Variants in OPRL1 observed in about 807,000 individuals in gnomAD.
OPRL1 encodes opioid related nociceptin receptor 1.
Under a neutral mutation model 15.5 loss-of-function variants are expected in OPRL1, and 5 were observed. The ratio of observed to expected loss-of-function variants is 0.32; its 90% confidence interval spans 0.17 to 0.68. The LOEUF (loss-of-function observed/expected upper bound fraction) is 0.68, where lower values mean the gene tolerates loss of function less well. Among genes scored for constraint, OPRL1 ranks in the 30% least tolerant of loss-of-function variants. The pLI, the probability that OPRL1 is intolerant of heterozygous loss-of-function variation, is 0.72. For synonymous variants in OPRL1, 223 were observed against 230.2 expected, an observed-to-expected ratio of 0.97 and a Z score of 0.28; for missense variants, 406 against 515.3, an observed-to-expected ratio of 0.79 and a Z score of 2.05.
Position 64,083,280 on chromosome 20 carries a change from T to A in OPRL1, c.-185+2928T>A. 8.8e-7 allele frequency: 1 copy of A among 1,133,872 alleles called. No individual in the cohort carries two copies. 70.2% of individuals were successfully genotyped at this position (1,133,872 alleles called of 1,614,324 possible). On this transcript the variant is annotated intron_variant, in intron 1 of 4. Coordinates refer to ENST00000336866, the MANE Select transcript of OPRL1 (RefSeq NM_182647.4). This position sits in a 1 kb window ranked among gnomAD's most constrained non-coding sequence, Gnocchi z 4.9. ...TTTTTGGGAGAGGCCCCACTCTCTG[T>A]ACCCTGATGTCTGTGAGGTGCATGG...
chr20:64,085,864 A>G (rs1424426464), intron 1 of OPRL1, among the ~76,000 whole-genome samples: 2 of 152,140 alleles, frequency 1.3e-5, no homozygotes, highest in Non-Finnish European at 2.9e-5. Flanking sequence ...GTAAGAGGGT[A>G]AATTTTGACA....
At position 64,092,909 on chromosome 20, in the gene OPRL1, C is replaced by G; in HGVS notation, c.189C>G (p.Val63=). 6.2e-7 allele frequency: 1 copy of G among 1,612,714 alleles called. No individual in the cohort carries two copies. Among genetic ancestry groups the G allele is most frequent in the Non-Finnish European group, 8.5e-7 (1 of 1,179,926 alleles). ...TGGGGCTCTACCTGGCCGTGTGTGT[C>G]GGAGGGCTCCTGGGGAACTGCCTTG... ...TIVGLYLAVC[V]GGLLGNCLVM... The change falls in exon 3 of 5, where the codon GTC becomes GTG. Residue 63 remains valine (V), a synonymous_variant. Coordinates refer to ENST00000336866, the MANE Select transcript of OPRL1 (RefSeq NM_182647.4).
chr20:64,097,967 C>T lies in OPRL1; in HGVS notation c.399C>T (p.Asn133=). 6.2e-7 allele frequency: 1 copy of T among 1,613,732 alleles called. No homozygotes were observed. Among genetic ancestry groups the T allele is most frequent in the South Asian group, 1.1e-5 (1 of 91,090 alleles). Residue 133 remains asparagine (N), a synonymous_variant, in exon 4 of 5, where the codon AAC becomes AAT. Coordinates refer to ENST00000336866, the MANE Select transcript of OPRL1 (RefSeq NM_182647.4). The surrounding 1 kb of genome is among the most constrained non-coding windows in gnomAD (Gnocchi z 4.2). ...CAGTCATTGCCATTGACTACTACAACATGTTCACCAGCACCTTCACCCTAA... is the reference window on the plus strand; with the variant it reads ...CAGTCATTGCCATTGACTACTACAATATGTTCACCAGCACCTTCACCCTAA... The part of the protein sequence containing the change: ...CKTVIAIDYY[N]MFTSTFTLTA...
chr20:64,086,950 G>A (rs566909143), intron 1 of OPRL1, among the ~76,000 whole-genome samples: 2 of 152,276 alleles, frequency 1.3e-5, no homozygotes, highest in South Asian at 2.1e-4. Flanking sequence ...TCCAGCTGCC[G>A]TCTGGCGTTT....
At position 64,083,747 on chromosome 20, in the gene OPRL1, C is replaced by T. The variant is rs1197507205; in HGVS notation, c.-185+3395C>T. ...GCTGAGCGCGCGCCGAGCCCCGCCCCGCCCCGCCCCGGCCGGCTCCGCTCA... is the reference window on the plus strand; with the variant it reads ...GCTGAGCGCGCGCCGAGCCCCGCCCTGCCCCGCCCCGGCCGGCTCCGCTCA... On this transcript the variant is annotated intron_variant, in intron 1 of 4. Transcript: ENST00000336866. The surrounding 1 kb of genome is among the most constrained non-coding windows in gnomAD (Gnocchi z 4.9). 4 of 1,337,196 alleles carry T rather than the reference C, an allele frequency of 3.0e-6. No homozygotes were observed. The highest frequency in any genetic ancestry group is 6.2e-5 in the East Asian group (2 of 32,056). 82.8% of individuals were successfully genotyped at this position (1,337,196 alleles called of 1,614,324 possible). A position where few individuals can be genotyped will look rare whatever the true frequency, so the allele number is the denominator to read the frequency against.
chr20:64,083,874 C>A lies in OPRL1; in HGVS notation c.-185+3522C>A. ...CGGACTCGCCCGCGGGCCTCCGCTG[C>A]CTTGAGGACGCCGAGGAGCCGGTTC... On this transcript the variant is annotated intron_variant, in intron 1 of 4. Coordinates refer to ENST00000336866, the MANE Select transcript of OPRL1 (RefSeq NM_182647.4). This position sits in a 1 kb window ranked among gnomAD's most constrained non-coding sequence, Gnocchi z 4.9. The A allele has an allele frequency of 7.0e-7, 1 of 1,435,526 alleles. No homozygotes were observed. Among genetic ancestry groups the A allele is most frequent in the Non-Finnish European group, 9.1e-7 (1 of 1,101,530 alleles). The allele number at this position is 1,435,526 out of a possible 1,614,324, so 88.9% of individuals were successfully genotyped here. A position where few individuals can be genotyped will look rare whatever the true frequency, so the allele number is the denominator to read the frequency against.
Position 64,099,406 on chromosome 20 carries a change from G to A in OPRL1, c.*607G>A, listed in dbSNP as rs1371438695. On this transcript the variant is annotated 3_prime_UTR_variant, in exon 5 of 5. Transcript: ENST00000336866. ...GAGCTGCCACCTGGAGGACTTGCCT[G>A]TTCCGACTCCACCTGTGCAGCCGGG... The A allele has an allele frequency of 1.3e-5, 2 of 152,994 alleles. No homozygotes were observed. The highest frequency in any genetic ancestry group is 2.9e-5 in the Non-Finnish European group (2 of 68,672). 9.5% of individuals were successfully genotyped at this position (152,994 alleles called of 1,614,324 possible).
At chr20:64,081,188 C>G (rs2059963505) in intron 1 of OPRL1, among the ~76,000 whole-genome samples, 1 of 152,160 alleles carries the variant, frequency 6.6e-6, no homozygotes. Context: ...AGACAGGCTG[C>G]CTCTCGAAGC....
rs1978394211 is a variant in OPRL1, at chr20:64,093,091, C to T, written c.233+138C>T. On this transcript the variant is annotated intron_variant, in intron 3 of 4. Transcript: ENST00000336866. ...CCCATTCAATGTTTTTGACCCTGTCCAGGAGGCAGGGTCAGTCCTGAGGCC... is the reference window on the plus strand; with the variant it reads ...CCCATTCAATGTTTTTGACCCTGTCTAGGAGGCAGGGTCAGTCCTGAGGCC... 6.2e-6 allele frequency: 5 copies of T among 803,186 alleles called. No individual in the cohort carries two copies. In the Admixed American group the frequency reaches 8.2e-5, roughly 13 times the overall value. 49.8% of individuals were successfully genotyped at this position (803,186 alleles called of 1,614,324 possible).
In OPRL1 at chr20:64,097,823, C is replaced by T. The variant is rs1160470687; in HGVS notation, c.255C>T (p.Ala85=). Residue 85 remains alanine (A), a synonymous_variant, in exon 4 of 5, where the codon GCC becomes GCT. Coordinates refer to ENST00000336866, the MANE Select transcript of OPRL1 (RefSeq NM_182647.4). The surrounding 1 kb of genome is among the most constrained non-coding windows in gnomAD (Gnocchi z 4.2). ...GCAGGCACACCAAAATGAAGACAGC[C>T]ACCAATATTTACATCTTTAACCTGG... ...VILRHTKMKT[A]TNIYIFNLAL... 7 of 1,612,252 alleles carry T rather than the reference C, an allele frequency of 4.3e-6. No homozygotes were observed. Among genetic ancestry groups the T allele is most frequent in the Non-Finnish European group, 5.9e-6 (7 of 1,178,964 alleles).
At chr20:64,087,719 G>T (rs1461346438) in intron 1 of OPRL1, among the ~76,000 whole-genome samples, 1 of 152,274 alleles carries the variant, frequency 6.6e-6, no homozygotes, top group Non-Finnish European at 1.5e-5. Flanking sequence ...CAGAACATGT[G>T]TGTTTGAGGT....
chr20:64,081,410 C>G (rs1169744888), intron 1 of OPRL1, among the ~76,000 whole-genome samples: 2 of 152,232 alleles, frequency 1.3e-5, no homozygotes, highest in Non-Finnish European at 2.9e-5. Flanking sequence ...GCTGAGCCGG[C>G]CTGTTGTCTC....
At position 64,093,035 on chromosome 20, in the gene OPRL1, G is replaced by C. The variant is rs927696574; in HGVS notation, c.233+82G>C. The C allele has an allele frequency of 2.4e-6, 3 of 1,242,702 alleles. No homozygotes were observed. The Admixed American group carries it at 6.5e-5, about 27-fold the overall frequency. The allele number at this position is 1,242,702 out of a possible 1,614,324, so 77.0% of individuals were successfully genotyped here. A position where few individuals can be genotyped will look rare whatever the true frequency, so the allele number is the denominator to read the frequency against. The stretch of plus-strand genomic sequence containing the variant: ...AACTGAGACGGGGTCTGTTCTGGAT[G>C]GGCCTGAGCAGGTGTTGATTTCCTG... On this transcript the variant is annotated intron_variant, in intron 3 of 4. Coordinates refer to ENST00000336866, the MANE Select transcript of OPRL1 (RefSeq NM_182647.4).
In OPRL1 at chr20:64,083,436, C is replaced by T. The variant is rs760292809; in HGVS notation, c.-185+3084C>T. Reference sequence around the variant, plus strand: ...CGCGTCGCACACTCTCAGTCGCCGTCACCGCGGGAAGATGGTGCCATCCAC... The same window carrying T: ...CGCGTCGCACACTCTCAGTCGCCGTTACCGCGGGAAGATGGTGCCATCCAC... On this transcript the variant is annotated intron_variant, in intron 1 of 4. Transcript: ENST00000336866. This position sits in a 1 kb window ranked among gnomAD's most constrained non-coding sequence, Gnocchi z 4.9. 6.2e-7 allele frequency: 1 copy of T among 1,611,220 alleles called. No individual in the cohort carries two copies. Among genetic ancestry groups the T allele is most frequent in the Middle Eastern group, 1.7e-4 (1 of 6,052 alleles).
intron 1 of OPRL1, chr20:64,084,340 G>A (rs1601628044): frequency 2.3e-6 from 3 of 1,288,722 alleles, no homozygotes; most frequent in Non-Finnish European, 2.9e-6. Context: ...GCTCTCCGCA[G>A]TCGGTTTTGA....
intron 3 of OPRL1, among the ~76,000 whole-genome samples, chr20:64,095,253 C>T (rs1203776186): frequency 1.5e-4 from 5 of 32,668 alleles, no homozygotes; most frequent in South Asian, 1.3e-3. Flanking sequence ...GGGATAGCAT[C>T]GGGGGGATAG....
chr20:64,095,681 G>T (rs980984162), intron 3 of OPRL1, among the ~76,000 whole-genome samples: 5 of 151,808 alleles, frequency 3.3e-5, no homozygotes, highest in African/African-American at 1.2e-4. Flanking sequence ...CAGGATGTTT[G>T]CCTGGACCCG....
chr20:64,088,920 G>T (rs2060091841), intron 1 of OPRL1, among the ~76,000 whole-genome samples: 1 of 112,924 alleles, frequency 8.9e-6, no homozygotes, highest in African/African-American at 3.3e-5. Flanking sequence ...AGAGTGGCCA[G>T]GATCTGTGCA....
chr20:64,083,629 G>A lies in OPRL1; in HGVS notation c.-185+3277G>A, dbSNP rs577114541. The A allele has an allele frequency of 1.4e-6, 2 of 1,473,936 alleles. No individual in the cohort carries two copies. The highest frequency in any genetic ancestry group is 2.6e-5 in the South Asian group (2 of 76,014). 91.3% of individuals were successfully genotyped at this position (1,473,936 alleles called of 1,614,324 possible). On this transcript the variant is annotated intron_variant, in intron 1 of 4. Transcript: ENST00000336866. The surrounding 1 kb of genome is among the most constrained non-coding windows in gnomAD (Gnocchi z 4.9). ...CGGGATCCGCGCGGGCTTCAGCTGC[G>A]GCGGCAGGAACAGCTCCAGCCGGAT...
Sources: allele counts gnomAD v4.1 joint callset (sites outside exome capture counted in the v4.1 genomes callset), GRCh38; gene constraint gnomAD v4.1.1; non-coding constraint Gnocchi (gnomAD v3.1); transcripts MANE v1.5; gene names NCBI Gene and HGNC (gene_info 2026-07-23, HGNC 2026-07-21).